The following LRRC37A variants were observed in gnomAD, a reference collection of about 807,000 sequenced individuals.
The protein encoded by LRRC37A is leucine-rich repeat-containing protein 37A.
In LRRC37A, 3 loss-of-function variants were observed where a neutral mutation model predicts 35.4. The observed-to-expected ratio is 0.08, with a 90% CI of 0.04 to 0.22. LRRC37A has a LOEUF of 0.22. Ranked by LOEUF, LRRC37A falls within the 10% of genes least tolerant of loss-of-function variation. LRRC37A has a pLI of 1.00. For synonymous variants in LRRC37A, 23 were observed against 215.0 expected, an observed-to-expected ratio of 0.11 and a Z score of 7.81; for missense variants, 67 against 565.3, an observed-to-expected ratio of 0.12 and a Z score of 8.94.
the LRRC37A span, among the ~76,000 whole-genome samples, chr17:46,269,355 A>T: frequency 0.11 from 15,816 of 144,448 alleles, 1 homozygote; most frequent in Non-Finnish European, 0.17. Flanking sequence ...CCAACATGGA[A>T]AAACCCTGTC....
chr17:46,283,673 C>A, the LRRC37A span, among the ~76,000 whole-genome samples: 2 of 152,162 alleles, frequency 1.3e-5, no homozygotes, highest in South Asian at 4.1e-4. Context: ...GAACGAGAGA[C>A]TTGGAAAAGA....
chr17:46,324,165 G>A (rs2051577266), intron 7 of LRRC37A, among the ~76,000 whole-genome samples: 1 of 113,932 alleles, frequency 8.8e-6, no homozygotes, highest in Non-Finnish European at 1.9e-5. Flanking sequence ...CAGCTACTCA[G>A]GAGGCTGAGG....
the LRRC37A span, chr17:46,267,333 G>C: frequency 2.0e-6 from 3 of 1,500,526 alleles, no homozygotes; most frequent in Non-Finnish European, 2.7e-6. Context: ...CGATGAACGG[G>C]ATAGTGCATG....
the LRRC37A span, among the ~76,000 whole-genome samples, chr17:46,262,092 G>C: frequency 6.6e-6 from 1 of 152,204 alleles, no homozygotes; most frequent in Non-Finnish European, 1.5e-5. Flanking sequence ...TGGGACTACA[G>C]GCGAGCACCA....
At chr17:46,279,538 G>A in the LRRC37A span, among the ~76,000 whole-genome samples, 1 of 127,696 alleles carries the variant, frequency 7.8e-6, no homozygotes. Context: ...GTCTTGTTGT[G>A]TCGTCCAGGC....
At chr17:46,290,741 C>T (rs2050044597), upstream of LRRC37A, among the ~76,000 whole-genome samples, 1 of 152,240 alleles carries the variant, frequency 6.6e-6, no homozygotes, top group Admixed American at 6.5e-5. Context: ...GCCATTGCGC[C>T]CAGCCTCTGA....
At chr17:46,285,441 C>A in the LRRC37A span, among the ~76,000 whole-genome samples, 1 of 152,054 alleles carries the variant, frequency 6.6e-6, no homozygotes, top group Non-Finnish European at 1.5e-5. Context: ...GGGGTTTCAC[C>A]ATGTTGGCCA....
At chr17:46,258,288 G>A in the LRRC37A span, among the ~76,000 whole-genome samples, 39 of 151,874 alleles carry the variant, frequency 2.6e-4, no homozygotes, top group African/African-American at 9.4e-4. Context: ...CCAGCTCACT[G>A]CAACCTCTGC....
chr17:46,284,392 C>G, the LRRC37A span, among the ~76,000 whole-genome samples: 1 of 152,218 alleles, frequency 6.6e-6, no homozygotes, highest in Non-Finnish European at 1.5e-5. Context: ...TTGCACAGCC[C>G]TTAATTCATT....
At chr17:46,291,985 A>AAAAAAAAAAAAAAAAAAAAAAAAAAAAAC (rs1360524355), upstream of LRRC37A, among the ~76,000 whole-genome samples, 1 of 76,592 alleles carries the variant, frequency 1.3e-5, no homozygotes, top group Non-Finnish European at 2.8e-5. Context: ...AAAAAAAAAA[A>AAAAAAAAAAAAAAAAAAAAAAAAAAAAAC]AAGCCAATAA....
At chr17:46,285,149 G>A in the LRRC37A span, among the ~76,000 whole-genome samples, 1 of 152,110 alleles carries the variant, frequency 6.6e-6, no homozygotes, top group Non-Finnish European at 1.5e-5. Context: ...GATTATAGGT[G>A]TGAGCAACCA....
the LRRC37A span, among the ~76,000 whole-genome samples, chr17:46,279,159 T>C: frequency 6.6e-6 from 1 of 152,084 alleles, no homozygotes; most frequent in East Asian, 1.9e-4. Flanking sequence ...ACCTAGTCCT[T>C]TGCTAATAAG....
chr17:46,307,936 C>T, intron 5 of LRRC37A, among the ~76,000 whole-genome samples: 1 of 75,236 alleles, frequency 1.3e-5, no homozygotes. Flanking sequence ...CACTTGAAAC[C>T]AGGAGGCGGA....
rs1363597393 is a variant in LRRC37A, at chr17:46,317,105, C to G, written c.2907-5217C>G. ...ACAAAACCGCCATTGTCATCATGGC[C>G]CGTTCTCAATGAGCTGTTGGGTACA... On this transcript the variant is annotated intron_variant, in intron 5 of 13. Transcript: ENST00000320254. 2.3e-5 allele frequency among the ~76,000 whole-genome samples: 2 copies of G among 86,352 alleles called. 1 individual carries two copies. Among genetic ancestry groups the G allele is most frequent in the Non-Finnish European group, 6.9e-5 (2 of 28,824 alleles). The allele number at this position is 86,352 out of a possible 152,430, so 56.7% of individuals were successfully genotyped here.
At chr17:46,265,393 CT>C in the LRRC37A span, among the ~76,000 whole-genome samples, 1 of 137,490 alleles carries the variant, frequency 7.3e-6, no homozygotes, top group Non-Finnish European at 1.7e-5. Flanking sequence ...TCTCTTCCTT[CT>C]CCTCCTCCTT....
At chr17:46,270,928 G>A in the LRRC37A span, among the ~76,000 whole-genome samples, 1 of 152,142 alleles carries the variant, frequency 6.6e-6, no homozygotes, top group Admixed American at 6.6e-5. Flanking sequence ...TATCTATATG[G>A]CTAATTTCTT....
the LRRC37A span, among the ~76,000 whole-genome samples, chr17:46,276,877 C>T: frequency 3.3e-5 from 5 of 150,330 alleles, no homozygotes; most frequent in African/African-American, 1.2e-4. Flanking sequence ...AATCATGGCT[C>T]ACTGCAGCCT....
the LRRC37A span, among the ~76,000 whole-genome samples, chr17:46,279,564 T>C: frequency 6.7e-6 from 1 of 148,658 alleles, no homozygotes; most frequent in Middle Eastern, 3.6e-3. Context: ...TGTAGTTGCA[T>C]GAACATGGCT....
At chr17:46,275,503 T>C in the LRRC37A span, 4 of 631,224 alleles carry the variant, frequency 6.3e-6, no homozygotes, top group Admixed American at 2.4e-5. Flanking sequence ...TAAATAAATC[T>C]GGAAGAAGCA....
Sources: gnomAD v4.1 joint callset for allele counts (sites outside exome capture counted in the v4.1 genomes callset) on GRCh38, gnomAD v4.1.1 for gene constraint, MANE v1.5 for transcripts, NCBI Gene and HGNC (gene_info 2026-07-23, HGNC 2026-07-21) for gene names.